Variants in CLNK observed in about 807,000 individuals in gnomAD.
CLNK encodes cytokine-dependent hematopoietic cell linker.
In CLNK, 74 loss-of-function variants were observed where a neutral mutation model predicts 68.6. That is an observed-to-expected ratio of 1.08 (90% CI 0.89 to 1.31). CLNK has a LOEUF of 1.31. Ranked by LOEUF, CLNK falls within the 50% of genes most tolerant of loss-of-function variation. The probability of loss-of-function intolerance (pLI) is 0.00; values close to 1 mark genes in which losing one functional copy is unlikely to be tolerated. For synonymous variants in CLNK, 198 were observed against 172.2 expected (o/e 1.15, Z -1.17); for missense variants, 553 against 515.3 (o/e 1.07, Z -0.71).
chr4:10,589,741 G>T (rs183112940), intron 3 of CLNK, among the ~76,000 whole-genome samples: 118 of 152,322 alleles, frequency 7.7e-4, no homozygotes, highest in Non-Finnish European at 1.5e-3. Context: ...AATGGATGAG[G>T]TATCTGAAAG....
chr4:10,601,323 A>G (rs151053550), intron 2 of CLNK, among the ~76,000 whole-genome samples: 4 of 152,302 alleles, frequency 2.6e-5, no homozygotes, highest in East Asian at 1.9e-4. Context: ...AGAATGGAGA[A>G]TGGGGAGGAG....
At chr4:10,715,908 C>A in the CLNK span, among the ~76,000 whole-genome samples, 1 of 152,174 alleles carries the variant, frequency 6.6e-6, no homozygotes, top group Admixed American at 6.5e-5. Flanking sequence ...CTCGTAGCTG[C>A]TTGGCAGAGA....
At chr4:10,624,588 G>A (rs576463957) in intron 2 of CLNK, among the ~76,000 whole-genome samples, 45 of 132,518 alleles carry the variant, frequency 3.4e-4, no homozygotes, top group African/African-American at 1.3e-3. Flanking sequence ...CACCGCGCCC[G>A]GCCAGTTTTT....
intron 2 of CLNK, among the ~76,000 whole-genome samples, chr4:10,651,518 G>A (rs1358303375): frequency 1.3e-5 from 2 of 152,152 alleles, no homozygotes; most frequent in East Asian, 3.8e-4. Context: ...TGGACACAGG[G>A]AGGGGAACAT....
intron 8 of CLNK, among the ~76,000 whole-genome samples, chr4:10,542,898 A>T (rs1029641095): frequency 2.6e-5 from 4 of 152,130 alleles, no homozygotes; most frequent in African/African-American, 9.7e-5. Context: ...TCCCAAGTAG[A>T]GCCTGGAACA....
chr4:10,582,968 C>T (rs1407951184), intron 4 of CLNK, among the ~76,000 whole-genome samples: 1 of 152,178 alleles, frequency 6.6e-6, no homozygotes, highest in Non-Finnish European at 1.5e-5. Context: ...AAATCACATG[C>T]TATCAACATA....
intron 4 of CLNK, among the ~76,000 whole-genome samples, chr4:10,574,677 A>C (rs1720486093): frequency 6.6e-6 from 1 of 152,166 alleles, no homozygotes; most frequent in African/African-American, 2.4e-5. Flanking sequence ...TCTGCCTCCA[A>C]AGAAAGAAGT....
At chr4:10,606,519 T>A (rs2720351) in intron 2 of CLNK, among the ~76,000 whole-genome samples, 1 of 152,256 alleles carries the variant, frequency 6.6e-6, no homozygotes, top group Non-Finnish European at 1.5e-5. Flanking sequence ...AGTAACATAG[T>A]CATTTATTAT....
intron 3 of CLNK, among the ~76,000 whole-genome samples, chr4:10,591,477 T>A (rs1161406798): frequency 6.6e-6 from 1 of 152,224 alleles, no homozygotes; most frequent in South Asian, 2.1e-4. Context: ...GCCTGGAGCA[T>A]GTGCACACCA....
At chr4:10,570,271 C>A (rs550391680) in intron 5 of CLNK, among the ~76,000 whole-genome samples, 1 of 152,258 alleles carries the variant, frequency 6.6e-6, no homozygotes, top group South Asian at 2.1e-4. Context: ...CCACCCAATA[C>A]CTTTGCTAGA....
upstream of CLNK, among the ~76,000 whole-genome samples, chr4:10,686,784 G>A (rs1725287706): frequency 6.6e-6 from 1 of 152,048 alleles, no homozygotes; most frequent in Non-Finnish European, 1.5e-5. Flanking sequence ...CCAATTGGTG[G>A]CTAGACTGCA....
At chr4:10,678,016 C>A (rs1577215490) in intron 1 of CLNK, among the ~76,000 whole-genome samples, 1 of 152,162 alleles carries the variant, frequency 6.6e-6, no homozygotes, top group East Asian at 1.9e-4. Flanking sequence ...GTCCAGTGAA[C>A]AAATGCACAG....
intron 4 of CLNK, among the ~76,000 whole-genome samples, chr4:10,574,420 C>G (rs983923114): frequency 1.3e-5 from 2 of 152,218 alleles, no homozygotes; most frequent in African/African-American, 4.8e-5. Context: ...CTCCCATTCT[C>G]CATGTCTGAT....
chr4:10,505,016 G>C (rs1165020592), intron 17 of CLNK, among the ~76,000 whole-genome samples: 1 of 152,156 alleles, frequency 6.6e-6, no homozygotes, highest in Non-Finnish European at 1.5e-5. Context: ...CATGCATATT[G>C]CTTTTCCAGC....
At chr4:10,669,730 G>A (rs1162758490) in intron 1 of CLNK, among the ~76,000 whole-genome samples, 1 of 152,164 alleles carries the variant, frequency 6.6e-6, no homozygotes, top group East Asian at 1.9e-4. Flanking sequence ...GATACCCTGT[G>A]TATTTTCCTC....
rs181043929 is a variant in CLNK, at chr4:10,520,006, A to G, written c.772+785T>C. 1.4e-4 allele frequency among the ~76,000 whole-genome samples: 21 copies of G among 149,816 alleles called. No homozygotes were observed. In the East Asian group the frequency reaches 3.8e-3, roughly 27 times the overall value. ...TGGAGAACCTCATCCTCTCCACAAT[A>G]CCCTGTGGGCTTTGCTTCCTCCAGG... On this transcript the variant is annotated intron_variant, in intron 15 of 18. Coordinates refer to ENST00000226951, the MANE Select transcript of CLNK (RefSeq NM_052964.4).
At chr4:10,602,432 T>C (rs573934493) in intron 2 of CLNK, among the ~76,000 whole-genome samples, 2 of 152,300 alleles carry the variant, frequency 1.3e-5, no homozygotes, top group Middle Eastern at 3.4e-3. Context: ...CTCTAAATCT[T>C]GGGTTAAAGT....
intron 12 of CLNK, among the ~76,000 whole-genome samples, chr4:10,531,913 C>T (rs866362869): frequency 2.2e-4 from 33 of 152,184 alleles, no homozygotes; most frequent in Admixed American, 8.5e-4. Flanking sequence ...GGACAAATAG[C>T]AAAGTGCAAT....
intron 2 of CLNK, among the ~76,000 whole-genome samples, chr4:10,649,807 G>C (rs1387470346): frequency 1.3e-5 from 2 of 151,886 alleles, no homozygotes; most frequent in Non-Finnish European, 2.9e-5. Flanking sequence ...TTCTCTGGGG[G>C]AGCACAATTT....
Sources: allele counts gnomAD v4.1 joint callset (sites outside exome capture counted in the v4.1 genomes callset), GRCh38; gene constraint gnomAD v4.1.1; transcripts MANE v1.5; gene names NCBI Gene and HGNC (gene_info 2026-07-23, HGNC 2026-07-21).